The following BAZ2B variants were observed in gnomAD, a reference collection of about 807,000 sequenced individuals.
The protein encoded by BAZ2B is bromodomain adjacent to zinc finger domain 2B.
A neutral mutation model predicts 246.0 loss-of-function variants in BAZ2B; 91 were observed. The ratio of observed to expected loss-of-function variants is 0.37; its 90% CI spans 0.31 to 0.44. The LOEUF is 0.44. Ranked by LOEUF, BAZ2B falls within the 20% of genes least tolerant of loss-of-function variation. BAZ2B has a pLI of 1.00. For synonymous variants in BAZ2B, 855 were observed against 860.0 expected (o/e 0.99, Z 0.10); for missense variants, 2,332 against 2,533.7 (o/e 0.92, Z 1.71).
At chr2:159,543,429 T>C (rs2151394848) in intron 2 of BAZ2B, among the ~76,000 whole-genome samples, 1 of 152,250 alleles carries the variant, frequency 6.6e-6, no homozygotes, top group Middle Eastern at 3.4e-3. Context: ...TTTTTTTCTC[T>C]CTCAAGCTTT....
chr2:159,357,211 T>A (rs1251263156), intron 27 of BAZ2B, among the ~76,000 whole-genome samples: 1 of 151,854 alleles, frequency 6.6e-6, no homozygotes, highest in African/African-American at 2.4e-5. Flanking sequence ...CCCAATGCGA[T>A]GAAGCTAAGA....
At chr2:159,451,919 G>A (rs2075142548) in intron 4 of BAZ2B, among the ~76,000 whole-genome samples, 2 of 152,180 alleles carry the variant, frequency 1.3e-5, no homozygotes, top group South Asian at 4.1e-4. Context: ...AATAAAGCAT[G>A]ATAAAACAAT....
rs1191652091 is a variant in BAZ2B, at chr2:159,351,497, GAT to G, written c.4214-1142_4214-1141del. Reference sequence around the variant, plus strand: ...AATAAATTCCTAAAAAAAAAACTAAGATGTGTACTTTTCAGAGTTTTTGAAAT... The same window carrying G: ...AATAAATTCCTAAAAAAAAAACTAAGGTGTACTTTTCAGAGTTTTTGAAAT... On this transcript the variant is annotated intron_variant, in intron 27 of 36. Coordinates refer to ENST00000392783, the MANE Select transcript of BAZ2B (RefSeq NM_013450.4). Among the ~76,000 whole-genome samples, 8 of 151,804 alleles carry G rather than the reference GAT, an allele frequency of 5.3e-5. No homozygotes were observed. In the South Asian group the frequency reaches 1.0e-3, roughly 20 times the overall value.
At chr2:159,344,364 G>A (rs1403032132) in intron 31 of BAZ2B, among the ~76,000 whole-genome samples, 5 of 151,626 alleles carry the variant, frequency 3.3e-5, no homozygotes, top group African/African-American at 1.2e-4. Context: ...GAGAAACCCC[G>A]TCTCTACTAA....
At chr2:159,694,667 T>C in the BAZ2B span, 1 of 152,220 alleles carries the variant, frequency 6.6e-6, no homozygotes, top group East Asian at 1.9e-4. Flanking sequence ...CAGAACTTCA[T>C]TCCTTTTTAA....
intron 33 of BAZ2B, among the ~76,000 whole-genome samples, chr2:159,335,974 A>C (rs1285275629): frequency 6.6e-6 from 1 of 152,180 alleles, no homozygotes; most frequent in Admixed American, 6.5e-5. Context: ...TGGCTTTGCC[A>C]ACATAGTGAA....
chr2:159,450,610 T>C (rs74725844), intron 4 of BAZ2B, among the ~76,000 whole-genome samples: 3,281 of 151,758 alleles, frequency 0.022, 120 homozygotes, highest in African/African-American at 0.071. Flanking sequence ...TTTAGGAAAA[T>C]AAACAAAATT....
At chr2:159,699,418 T>C in the BAZ2B span, among the ~76,000 whole-genome samples, 1 of 152,062 alleles carries the variant, frequency 6.6e-6, no homozygotes, top group South Asian at 2.1e-4. Context: ...AGGCCTGTAG[T>C]CCTAGGTACT....
intron 1 of BAZ2B, among the ~76,000 whole-genome samples, chr2:159,610,509 G>C (rs1694485772): frequency 1.3e-5 from 2 of 152,090 alleles, no homozygotes; most frequent in Non-Finnish European, 2.9e-5. Context: ...GGAGAAAACA[G>C]GAAAAAACAC....
the BAZ2B span, among the ~76,000 whole-genome samples, chr2:159,662,828 AGCC>A: frequency 6.6e-6 from 1 of 152,060 alleles, no homozygotes; most frequent in Non-Finnish European, 1.5e-5. Flanking sequence ...CACTGCGCCC[AGCC>A]CTTACTTTCG....
upstream of BAZ2B, among the ~76,000 whole-genome samples, chr2:159,620,386 A>G (rs1696382186): frequency 6.6e-6 from 1 of 152,226 alleles, no homozygotes; most frequent in Non-Finnish European, 1.5e-5. Flanking sequence ...GCGCTATGCT[A>G]GAGGCTGGAA....
At chr2:159,618,014 T>C (rs912624196), upstream of BAZ2B, among the ~76,000 whole-genome samples, 3 of 152,228 alleles carry the variant, frequency 2.0e-5, no homozygotes, top group African/African-American at 7.2e-5. Flanking sequence ...GCTAAATAAA[T>C]TAATGTGCTG....
chr2:159,471,824 A>G (rs2077839325), intron 3 of BAZ2B, among the ~76,000 whole-genome samples: 1 of 152,206 alleles, frequency 6.6e-6, no homozygotes, highest in African/African-American at 2.4e-5. Context: ...TTGAGCATTT[A>G]TTCTATTTGG....
intron 3 of BAZ2B, among the ~76,000 whole-genome samples, chr2:159,466,991 T>A (rs2077146430): frequency 6.6e-6 from 1 of 152,120 alleles, no homozygotes; most frequent in African/African-American, 2.4e-5. Flanking sequence ...ACACATCAAA[T>A]TAATTATTAT....
At chr2:159,590,181 CCA>C in intron 1 of BAZ2B, among the ~76,000 whole-genome samples, 1 of 44,894 alleles carries the variant, frequency 2.2e-5, no homozygotes, top group Non-Finnish European at 3.7e-5. Flanking sequence ...GAGCAAGACT[CCA>C]TCTCAAAAAA....
the BAZ2B span, among the ~76,000 whole-genome samples, chr2:159,669,103 C>T: frequency 6.6e-6 from 1 of 151,868 alleles, no homozygotes; most frequent in African/African-American, 2.4e-5. Flanking sequence ...GTTATGTCAC[C>T]CTGTAAGCAC....
the BAZ2B span, chr2:159,693,488 A>T: frequency 7.0e-6 from 1 of 142,846 alleles, no homozygotes; most frequent in Non-Finnish European, 1.5e-5. Flanking sequence ...CAATGGTGAG[A>T]TCATGGCTCA....
At chr2:159,441,663 T>TA (rs397796858) in intron 6 of BAZ2B, among the ~76,000 whole-genome samples, 3 of 152,138 alleles carry the variant, frequency 2.0e-5, no homozygotes, top group Non-Finnish European at 4.4e-5. Context: ...AACATTTTTT[T>TA]AAATGAGTCA....
At position 159,336,923 on chromosome 2, in the gene BAZ2B, C is replaced by T. The variant is rs1478406286; in HGVS notation, c.5796+19G>A. On this transcript the variant is annotated intron_variant, in intron 33 of 36. Transcript: ENST00000392783. ...ACAAAGTAAATTAGTTATAATATTTCTTAAATAAAAACACTTACAACTTTC... is the reference window on the plus strand; with the variant it reads ...ACAAAGTAAATTAGTTATAATATTTTTTAAATAAAAACACTTACAACTTTC... The T allele has an allele frequency of 1.3e-6, 2 of 1,559,754 alleles. No homozygotes were observed. Among genetic ancestry groups the T allele is most frequent in the Non-Finnish European group, 8.8e-7 (1 of 1,140,028 alleles).
Sources: allele counts gnomAD v4.1 joint callset (sites outside exome capture counted in the v4.1 genomes callset), GRCh38; gene constraint gnomAD v4.1.1; transcripts MANE v1.5; gene names NCBI Gene and HGNC (gene_info 2026-07-23, HGNC 2026-07-21).